Variants in APBB2 observed in about 807,000 individuals in gnomAD.
APBB2 encodes the protein amyloid beta precursor protein binding family B member 2, also known as Fe65-like 1.
In APBB2, 38 loss-of-function variants were observed where a neutral mutation model predicts 82.5. That is an observed-to-expected ratio of 0.46 (90% CI 0.36 to 0.60). The LOEUF (loss-of-function observed/expected upper bound fraction) is 0.60. Ranked by LOEUF, APBB2 falls within the 20% of genes least tolerant of loss-of-function variation. APBB2 has a pLI of 0.00. For missense variants in APBB2, 772 were observed against 972.3 expected (o/e 0.79, Z 2.74); for synonymous variants, 341 against 368.2 (o/e 0.93, Z 0.85).
intron 3 of APBB2, among the ~76,000 whole-genome samples, chr4:41,086,476 G>A (rs973448668): frequency 6.6e-6 from 1 of 152,098 alleles, no homozygotes; most frequent in African/African-American, 2.4e-5. Flanking sequence ...ATGATCAAGT[G>A]GGACTTATCT....
chr4:40,917,758 T>C (rs1262473389), intron 10 of APBB2, among the ~76,000 whole-genome samples: 1 of 152,172 alleles, frequency 6.6e-6, no homozygotes, highest in Non-Finnish European at 1.5e-5. Context: ...AGTAGAAGCT[T>C]TGGAATGATG....
intron 6 of APBB2, among the ~76,000 whole-genome samples, chr4:40,949,554 C>G (rs1789490599): frequency 6.6e-6 from 1 of 152,020 alleles, no homozygotes; most frequent in African/African-American, 2.4e-5. Context: ...TTAATGGCCG[C>G]CCTCCGATGG....
Position 40,972,494 on chromosome 4 carries a change from C to T in APBB2, c.836-27421G>A, listed in dbSNP as rs552946231. Among the ~76,000 whole-genome samples the T allele has an allele frequency of 1.5e-4, 23 of 151,458 alleles. No homozygotes were observed. The South Asian group carries it at 3.4e-3, about 22-fold the overall frequency. ...AAAATCCCTAATATATTTAATTTGT[C>T]CACTTTTATATACTTTAAGTCATCC... On this transcript the variant is annotated intron_variant, in intron 6 of 17. Transcript: ENST00000508593.
At chr4:41,033,436 ATT>A in intron 4 of APBB2, 132 bp from the exon 5 acceptor site, 1 of 520,734 alleles carries the variant, frequency 1.9e-6, no homozygotes, top group Non-Finnish European at 3.3e-6. Context: ...TAATGTCCAA[ATT>A]TTTGTTTGTT....
chr4:41,207,001 C>T (rs1778105146), intron 1 of APBB2, among the ~76,000 whole-genome samples: 2 of 151,904 alleles, frequency 1.3e-5, no homozygotes, highest in South Asian at 4.2e-4. Flanking sequence ...AGTTCGAGAC[C>T]TGCTTGGCCA....
intron 10 of APBB2, among the ~76,000 whole-genome samples, chr4:40,923,989 AGCCAAG>A (rs1781979649): frequency 6.6e-6 from 1 of 152,234 alleles, no homozygotes. Context: ...CAAAATGAGC[AGCCAAG>A]GCCAATGGCA....
At chr4:41,027,846 G>C (rs1329494500) in intron 5 of APBB2, among the ~76,000 whole-genome samples, 1 of 152,224 alleles carries the variant, frequency 6.6e-6, no homozygotes, top group Non-Finnish European at 1.5e-5. Context: ...TTCCTGGCAG[G>C]TGGATGGGTC....
At chr4:41,166,856 C>G (rs1467263626) in intron 1 of APBB2, among the ~76,000 whole-genome samples, 2 of 152,116 alleles carry the variant, frequency 1.3e-5, no homozygotes, top group Admixed American at 6.5e-5. Flanking sequence ...GTGACCACAC[C>G]ACTGCACTCC....
At chr4:41,172,435 G>T (rs1234938024) in intron 1 of APBB2, among the ~76,000 whole-genome samples, 1 of 151,942 alleles carries the variant, frequency 6.6e-6, no homozygotes, top group East Asian at 1.9e-4. Flanking sequence ...CACCAACCTC[G>T]GGGACTAGAC....
chr4:40,984,748 T>G (rs1343804970), intron 6 of APBB2, among the ~76,000 whole-genome samples: 1 of 152,202 alleles, frequency 6.6e-6, no homozygotes, highest in Non-Finnish European at 1.5e-5. Flanking sequence ...TTTATTTATT[T>G]TTTGGTAAAG....
At chr4:41,209,757 G>A (rs1176155965) in intron 1 of APBB2, among the ~76,000 whole-genome samples, 1 of 152,224 alleles carries the variant, frequency 6.6e-6, no homozygotes, top group Non-Finnish European at 1.5e-5. Flanking sequence ...GACTGGCAGG[G>A]CCATAAAGTT....
At chr4:41,105,256 C>T (rs939803537) in intron 2 of APBB2, among the ~76,000 whole-genome samples, 1 of 151,972 alleles carries the variant, frequency 6.6e-6, no homozygotes, top group Non-Finnish European at 1.5e-5. Flanking sequence ...ATGCTGACAC[C>T]GATGAAAAAC....
intron 2 of APBB2, among the ~76,000 whole-genome samples, chr4:41,124,804 G>A (rs1560817552): frequency 6.6e-6 from 1 of 152,174 alleles, no homozygotes; most frequent in Admixed American, 6.5e-5. Flanking sequence ...CTTCCACCCA[G>A]ATTTTGGTCA....
intron 3 of APBB2, among the ~76,000 whole-genome samples, chr4:41,084,155 T>C (rs950711493): frequency 3.3e-5 from 5 of 152,348 alleles, no homozygotes; most frequent in Admixed American, 1.3e-4. Flanking sequence ...CTGGGCACGG[T>C]GGCTCACGCC....
intron 6 of APBB2, among the ~76,000 whole-genome samples, chr4:40,980,376 C>G (rs867389397): frequency 1.3e-5 from 2 of 152,184 alleles, no homozygotes; most frequent in Admixed American, 6.5e-5. Context: ...GGAAAGGATT[C>G]CCCATCTCCT....
intron 6 of APBB2, among the ~76,000 whole-genome samples, chr4:41,000,113 T>G (rs932715567): frequency 3.6e-4 from 32 of 87,902 alleles, no homozygotes; most frequent in Non-Finnish European, 6.9e-4. Flanking sequence ...GTGTATAAAT[T>G]AGCCAGGTGT....
intron 7 of APBB2, among the ~76,000 whole-genome samples, chr4:40,938,552 T>C (rs979795325): frequency 6.6e-6 from 1 of 152,142 alleles, no homozygotes; most frequent in East Asian, 1.9e-4. Context: ...AGGCCAACAA[T>C]GGAGTTGATT....
In APBB2 at chr4:40,825,986, G is replaced by A. The variant is rs1453034437; in HGVS notation, c.1733-16C>T. The A allele has an allele frequency of 1.2e-6, 2 of 1,604,366 alleles. No homozygotes were observed. Among genetic ancestry groups the A allele is most frequent in the Admixed American group, 1.7e-5 (1 of 60,002 alleles). ...GGAAAATCTACTACAGGGAACAAAA[G>A]CAACACATCTTTCTCAGTGGTTCCA... On this transcript the variant is annotated splice_polypyrimidine_tract_variant and intron_variant, in intron 14 of 17. Transcript: ENST00000508593.
chr4:40,876,661 T>C (rs1430093695), intron 12 of APBB2, among the ~76,000 whole-genome samples: 16 of 152,246 alleles, frequency 1.1e-4, no homozygotes, highest in Admixed American at 1.0e-3. Context: ...TCTAGATTAC[T>C]TATAATACCT....
Sources: allele counts gnomAD v4.1 joint callset (sites outside exome capture counted in the v4.1 genomes callset), GRCh38; gene constraint gnomAD v4.1.1; transcripts MANE v1.5; gene names NCBI Gene and HGNC (gene_info 2026-07-23, HGNC 2026-07-21).